The following PMFBP1 variants were observed in gnomAD, a reference collection of about 807,000 sequenced individuals.
PMFBP1 encodes the protein polyamine-modulated factor 1-binding protein 1.
In PMFBP1, 131 loss-of-function variants were observed where a neutral mutation model predicts 137.8. The ratio of observed to expected loss-of-function variants is 0.95; its 90% CI spans 0.82 to 1.10. The LOEUF is 1.10. Among genes scored for constraint, PMFBP1 ranks in the 50% least tolerant of loss-of-function variants. The pLI, the probability that PMFBP1 is intolerant of heterozygous loss-of-function variation, is 0.00. For missense variants in PMFBP1, 1,199 were observed against 1,175.4 expected (o/e 1.02, Z -0.29); for synonymous variants, 490 against 450.4 (o/e 1.09, Z -1.11).
chr16:72,199,653 C>CG, the PMFBP1 span, among the ~76,000 whole-genome samples: 1 of 82,402 alleles, frequency 1.2e-5, no homozygotes. Flanking sequence ...GACTCCGTCT[C>CG]AAAAAAAAAA....
At chr16:72,123,671 A>G (rs1405659428) in intron 17 of PMFBP1, 22 bp from the exon 18 acceptor site, 1 of 1,606,258 alleles carries the variant, frequency 6.2e-7, no homozygotes, top group South Asian at 1.1e-5. Flanking sequence ...GAAGAAAACG[A>G]GACAGTCAGA....
chr16:72,159,511 A>T (rs2043029943), intron 3 of PMFBP1, among the ~76,000 whole-genome samples: 1 of 152,220 alleles, frequency 6.6e-6, no homozygotes, highest in Admixed American at 6.5e-5. Context: ...GCCTGGTTAT[A>T]AAGATCCAAG....
chr16:72,130,425 C>T, intron 11 of PMFBP1, 68 bp from the exon 12 acceptor site: 6 of 1,608,900 alleles, frequency 3.7e-6, no homozygotes, highest in Non-Finnish European at 5.1e-6. Context: ...TGGAGCTGAC[C>T]CAATGGGAAA....
chr16:72,213,731 C>T, the PMFBP1 span, among the ~76,000 whole-genome samples: 1 of 152,148 alleles, frequency 6.6e-6, no homozygotes, highest in African/African-American at 2.4e-5. Context: ...ATTTGTCACA[C>T]AGTGATAGAT....
chr16:72,212,848 T>G, the PMFBP1 span, among the ~76,000 whole-genome samples: 1 of 152,194 alleles, frequency 6.6e-6, no homozygotes, highest in Non-Finnish European at 1.5e-5. Context: ...AACAGGTCAC[T>G]TACAGTCGAA....
At chr16:72,235,099 T>C in the PMFBP1 span, among the ~76,000 whole-genome samples, 1 of 152,186 alleles carries the variant, frequency 6.6e-6, no homozygotes, top group Non-Finnish European at 1.5e-5. Flanking sequence ...GTGTCATAAC[T>C]AAGAAACCAT....
At chr16:72,151,971 T>A (rs779942947) in intron 4 of PMFBP1, among the ~76,000 whole-genome samples, 2 of 152,124 alleles carry the variant, frequency 1.3e-5, no homozygotes, top group African/African-American at 4.8e-5. Context: ...GGGGGTATGT[T>A]GGTGGGTTCA....
chr16:72,165,036 C>G (rs1290567920), intron 2 of PMFBP1, 120 bp from the exon 3 acceptor site: 8 of 997,572 alleles, frequency 8.0e-6, no homozygotes, highest in Non-Finnish European at 1.1e-5. Context: ...CAACCATTAG[C>G]TGTTATTACT....
chr16:72,182,495 CAAAAAA>C, the PMFBP1 span, among the ~76,000 whole-genome samples: 2 of 74,070 alleles, frequency 2.7e-5, no homozygotes, highest in Non-Finnish European at 5.2e-5. Context: ...AACTCTGCCT[CAAAAAA>C]AAAAAAAAAA....
At chr16:72,164,584 G>T in intron 3 of PMFBP1, 180 bp downstream of exon 3, 4 of 1,219,164 alleles carry the variant, frequency 3.3e-6, no homozygotes, top group Non-Finnish European at 4.6e-6. Flanking sequence ...GGCAGGACTG[G>T]CATTTTCCAT....
the PMFBP1 span, among the ~76,000 whole-genome samples, chr16:72,243,836 C>A: frequency 6.6e-6 from 1 of 152,220 alleles, no homozygotes; most frequent in Non-Finnish European, 1.5e-5. Flanking sequence ...AGGGTCCAGA[C>A]TGATTTCCGC....
the PMFBP1 span, among the ~76,000 whole-genome samples, chr16:72,241,715 G>A: frequency 6.6e-6 from 1 of 152,182 alleles, no homozygotes; most frequent in Non-Finnish European, 1.5e-5. Context: ...AAGGATGGCA[G>A]ACAATTCAGC....
the PMFBP1 span, among the ~76,000 whole-genome samples, chr16:72,195,459 T>A: frequency 6.6e-6 from 1 of 152,168 alleles, no homozygotes; most frequent in Non-Finnish European, 1.5e-5. Context: ...TTGAAGGACC[T>A]GAACTGACAC....
At chr16:72,160,006 C>T (rs559749630) in intron 3 of PMFBP1, among the ~76,000 whole-genome samples, 3 of 152,268 alleles carry the variant, frequency 2.0e-5, no homozygotes, top group South Asian at 2.1e-4. Flanking sequence ...GATTTCTATC[C>T]AGGTCTCAGC....
At chr16:72,200,674 T>C in the PMFBP1 span, among the ~76,000 whole-genome samples, 1 of 152,236 alleles carries the variant, frequency 6.6e-6, no homozygotes, top group Non-Finnish European at 1.5e-5. Flanking sequence ...TTTTATTATG[T>C]TCGTTAATCT....
At chr16:72,155,213 A>G (rs540980927) in intron 3 of PMFBP1, among the ~76,000 whole-genome samples, 2 of 152,228 alleles carry the variant, frequency 1.3e-5, no homozygotes, top group East Asian at 1.9e-4. Flanking sequence ...TGATGCTTCT[A>G]TATTTCCTAT....
At chr16:72,163,704 C>A (rs527286004) in intron 3 of PMFBP1, among the ~76,000 whole-genome samples, 2 of 152,034 alleles carry the variant, frequency 1.3e-5, no homozygotes, top group Non-Finnish European at 2.9e-5. Context: ...CATGTTTTCG[C>A]ATGTGGTATA....
At chr16:72,120,458 T>G (rs34537383) in intron 19 of PMFBP1, among the ~76,000 whole-genome samples, 1 of 152,206 alleles carries the variant, frequency 6.6e-6, no homozygotes, top group Non-Finnish European at 1.5e-5. Context: ...TAGGGACAAC[T>G]GTGATCATGT....
At chr16:72,135,150 C>G (rs1388612494) in intron 9 of PMFBP1, among the ~76,000 whole-genome samples, 4 of 152,086 alleles carry the variant, frequency 2.6e-5, no homozygotes, top group Admixed American at 2.6e-4. Context: ...TCATGACCAG[C>G]CAGTCTATCA....
Sources: allele counts gnomAD v4.1 joint callset (sites outside exome capture counted in the v4.1 genomes callset), GRCh38; gene constraint gnomAD v4.1.1; transcripts MANE v1.5; gene names NCBI Gene and HGNC (gene_info 2026-07-23, HGNC 2026-07-21).